ARL15: variants seen among roughly 807,000 people sequenced by gnomAD.
ARL15 encodes the protein ARF like GTPase 15, also known as ADP-ribosylation factor-like protein 15.
Under a neutral mutation model 25.2 loss-of-function variants are expected in ARL15, and 19 were observed. That is an observed-to-expected ratio of 0.75 (90% confidence interval 0.53 to 1.10). The LOEUF (loss-of-function observed/expected upper bound fraction) is 1.10, where lower values mean the gene tolerates loss of function less well. Ranked by LOEUF, ARL15 falls within the 50% of genes least tolerant of loss-of-function variation. The pLI, the probability that ARL15 is intolerant of heterozygous loss-of-function variation, is 0.00. For missense variants in ARL15, 220 were observed against 246.0 expected (o/e 0.89, Z 0.71); for synonymous variants, 94 against 86.8 (o/e 1.08, Z -0.46).
chr5:54,161,045 T>C (rs1279964363), intron 2 of ARL15, among the ~76,000 whole-genome samples: 2 of 152,122 alleles, frequency 1.3e-5, no homozygotes, highest in Non-Finnish European at 2.9e-5. Flanking sequence ...TTCAAATGCA[T>C]AGTTTTCCAT....
intron 4 of ARL15, 185 bp downstream of exon 4, chr5:54,113,017 G>A (rs1752785283): frequency 3.4e-6 from 2 of 588,936 alleles, no homozygotes; most frequent in Non-Finnish European, 5.9e-6. Flanking sequence ...CTCCAAGTAG[G>A]GTTAGGTATG....
chr5:54,090,313 C>T lies in ARL15; in HGVS notation c.462+22889G>A, dbSNP rs1752092690. ...AATAATAATGAACAAAAATAGAAGA[C>T]CACAGAAGAATGCATTTAGCATGAT... On this transcript the variant is annotated intron_variant, in intron 4 of 4. Coordinates refer to ENST00000504924, the MANE Select transcript of ARL15 (RefSeq NM_019087.3). Among the ~76,000 whole-genome samples, 4 of 152,038 alleles carry T rather than the reference C, an allele frequency of 2.6e-5. No homozygotes were observed. The South Asian group carries it at 8.3e-4, about 32-fold the overall frequency.
intron 4 of ARL15, among the ~76,000 whole-genome samples, chr5:54,077,576 G>C (rs1751652550): frequency 6.6e-6 from 1 of 152,178 alleles, no homozygotes; most frequent in Non-Finnish European, 1.5e-5. Flanking sequence ...GATGCTCACT[G>C]TTCTAAGGGG....
intron 1 of ARL15, among the ~76,000 whole-genome samples, chr5:54,298,158 T>C (rs905143715): frequency 1.3e-5 from 2 of 152,144 alleles, no homozygotes; most frequent in Non-Finnish European, 2.9e-5. Flanking sequence ...AAATATTTTC[T>C]TACCAGTGTA....
At chr5:54,295,102 T>C (rs1758432997) in intron 1 of ARL15, among the ~76,000 whole-genome samples, 1 of 152,270 alleles carries the variant, frequency 6.6e-6, no homozygotes. Context: ...TTCATTATAC[T>C]TGTGTTCTCT....
intron 4 of ARL15, among the ~76,000 whole-genome samples, chr5:53,930,451 A>C (rs1203101145): frequency 1.3e-5 from 2 of 152,212 alleles, no homozygotes; most frequent in Non-Finnish European, 2.9e-5. Context: ...TCCATGGATA[A>C]ACCTTCCTGC....
At chr5:54,134,179 C>A (rs1032756540) in intron 3 of ARL15, among the ~76,000 whole-genome samples, 2 of 152,170 alleles carry the variant, frequency 1.3e-5, no homozygotes, top group Non-Finnish European at 2.9e-5. Context: ...TGTGAACCAC[C>A]ATGGGTTCAC....
At chr5:53,996,960 T>C (rs1264001473) in intron 4 of ARL15, among the ~76,000 whole-genome samples, 2 of 152,206 alleles carry the variant, frequency 1.3e-5, no homozygotes, top group Non-Finnish European at 2.9e-5. Context: ...AGTTCAGAGA[T>C]GTGGGATGAC....
At chr5:54,226,551 A>G (rs1756523302) in intron 1 of ARL15, among the ~76,000 whole-genome samples, 1 of 152,244 alleles carries the variant, frequency 6.6e-6, no homozygotes, top group South Asian at 2.1e-4. Flanking sequence ...TCCAAAGGAG[A>G]AGAAAATGGA....
chr5:54,125,976 T>C (rs1260648229), intron 3 of ARL15, among the ~76,000 whole-genome samples: 1 of 152,110 alleles, frequency 6.6e-6, no homozygotes, highest in Non-Finnish European at 1.5e-5. Context: ...ATTAAAAAAA[T>C]TGCTATGAGG....
At chr5:54,199,116 C>A (rs1252643974) in intron 1 of ARL15, among the ~76,000 whole-genome samples, 2 of 152,130 alleles carry the variant, frequency 1.3e-5, no homozygotes, top group African/African-American at 2.4e-5. Flanking sequence ...GAAACTGGAT[C>A]CCTTCCTTAC....
intron 2 of ARL15, among the ~76,000 whole-genome samples, chr5:54,165,078 A>G (rs1754526641): frequency 1.3e-5 from 2 of 151,986 alleles, no homozygotes; most frequent in South Asian, 4.2e-4. Flanking sequence ...TAATCAGTCT[A>G]CCTTCAAGTG....
At chr5:54,290,303 C>A (rs1758290980) in intron 1 of ARL15, among the ~76,000 whole-genome samples, 2 of 149,822 alleles carry the variant, frequency 1.3e-5, no homozygotes, top group Admixed American at 1.3e-4. Context: ...TATCACTCAA[C>A]CTTTTTTTTT....
intron 4 of ARL15, among the ~76,000 whole-genome samples, chr5:53,972,242 T>C (rs702638): frequency 0.33 from 50,119 of 152,030 alleles, 9,227 homozygotes; most frequent in Middle Eastern, 0.46. Context: ...TTCATACTTT[T>C]AAATTTCCCA....
At chr5:54,106,225 G>A (rs1752586216) in intron 4 of ARL15, among the ~76,000 whole-genome samples, 1 of 152,096 alleles carries the variant, frequency 6.6e-6, no homozygotes, top group African/African-American at 2.4e-5. Flanking sequence ...GTGAGGATTC[G>A]AGGAAGATGT....
intron 4 of ARL15, among the ~76,000 whole-genome samples, chr5:54,080,373 T>C (rs1469067954): frequency 2.0e-5 from 3 of 152,228 alleles, no homozygotes; most frequent in African/African-American, 4.8e-5. Flanking sequence ...AGTTACTTTT[T>C]CAAGCTTTTC....
chr5:54,303,201 G>C (rs1279810424), intron 1 of ARL15, among the ~76,000 whole-genome samples: 2 of 151,838 alleles, frequency 1.3e-5, no homozygotes, highest in African/African-American at 4.9e-5. Context: ...CGTGGCAAAA[G>C]AACATAGCAC....
chr5:54,020,795 A>T (rs546155172), intron 4 of ARL15, among the ~76,000 whole-genome samples: 1 of 151,478 alleles, frequency 6.6e-6, no homozygotes, highest in South Asian at 2.1e-4. Context: ...AAAAATTAAA[A>T]GAAAAAAAAA....
chr5:54,204,615 T>C (rs2407404), intron 1 of ARL15, among the ~76,000 whole-genome samples: 119,930 of 152,210 alleles, frequency 0.79, 48,052 homozygotes, highest in Middle Eastern at 0.82. Flanking sequence ...AAACATAATG[T>C]ACACACTCTA....
Sources: allele counts gnomAD v4.1 joint callset (sites outside exome capture counted in the v4.1 genomes callset), GRCh38; gene constraint gnomAD v4.1.1; transcripts MANE v1.5; gene names NCBI Gene and HGNC (gene_info 2026-07-23, HGNC 2026-07-21).